GABBR1: variants seen among roughly 807,000 people sequenced by gnomAD.
GABBR1 encodes the protein GABA-B receptor, R1 subunit.
A neutral mutation model predicts 117.7 loss-of-function variants in GABBR1; 35 were observed. The ratio of observed to expected loss-of-function variants is 0.30; its 90% confidence interval spans 0.23 to 0.39. GABBR1 has a LOEUF of 0.39. GABBR1 is among the 10% of genes least tolerant of loss of function. GABBR1 has a pLI of 1.00. For missense variants in GABBR1, 709 were observed against 1,241.8 expected, an observed-to-expected ratio of 0.57 and a Z score of 6.45; for synonymous variants, 442 against 486.6, an observed-to-expected ratio of 0.91 and a Z score of 1.21.
Position 29,608,748 on chromosome 6 carries a change from G to C in GABBR1, c.1860-15C>G, listed in dbSNP as rs781520426. On this transcript the variant is annotated splice_polypyrimidine_tract_variant and intron_variant, in intron 15 of 22. Transcript: ENST00000377034. The stretch of plus-strand genomic sequence containing the variant: ...TCTGGATATAACTAGGGCAGAGGTG[G>C]AGAGGGTGAGAGGGAGAGAGAATTA... 6.2e-7 allele frequency: 1 copy of C among 1,610,240 alleles called. No homozygotes were observed. The highest frequency in any genetic ancestry group is 8.5e-7 in the Non-Finnish European group (1 of 1,178,590).
rs1444124276 is a variant in GABBR1 at position 29,621,372 on chromosome 6, C to G, written c.1132-80G>C. The G allele has an allele frequency of 8.7e-7, 1 of 1,152,312 alleles. No individual in the cohort carries two copies. Among genetic ancestry groups the G allele is most frequent in the Non-Finnish European group, 1.3e-6 (1 of 798,346 alleles). The allele number at this position is 1,152,312 out of a possible 1,614,324, so 71.4% of individuals were successfully genotyped here. A position where few individuals can be genotyped will look rare whatever the true frequency, so the allele number is the denominator to read the frequency against. ...CTTATCTCACTTGATACTATTTAGC[C>G]TCTTGGGAATCAGGGAAGAGCAGTA... On this transcript the variant is annotated intron_variant, in intron 10 of 22. Coordinates refer to ENST00000377034, the MANE Select transcript of GABBR1 (RefSeq NM_001470.4). This position sits in a 1 kb window ranked among gnomAD's most constrained non-coding sequence, Gnocchi z 5.0.
At position 29,607,003 on chromosome 6, in the gene GABBR1, G is replaced by A; in HGVS notation, c.2111C>T (p.Thr704Ile). 1.2e-6 allele frequency: 2 copies of A among 1,613,816 alleles called. No homozygotes were observed. Among genetic ancestry groups the A allele is most frequent in the South Asian group, 2.2e-5 (2 of 91,078 alleles). ...KKEEKKEWRK[T>I]LEPWKLYATV... is the part of the protein sequence containing the mutation. ...GGCATACAGCTTCCAGGGTTCCAGA[G>A]TCTGGATAAATATGTGGGGAGAACA... The change falls in exon 18 of 23, where the codon ACT (threonine) becomes ATT (isoleucine). Residue 704 changes from threonine (T) to isoleucine (I), a missense_variant and splice_region_variant. Physicochemically the swap from Thr to Ile is moderately conservative, Grantham distance 89 (BLOSUM62 -1). Transcript: ENST00000377034. The surrounding 1 kb of genome is among the most constrained non-coding windows in gnomAD (Gnocchi z 5.0).
At position 29,605,112 on chromosome 6, in the gene GABBR1, T is replaced by C; in HGVS notation, c.2440-124A>G. 1 of 1,038,600 alleles carries C rather than the reference T, an allele frequency of 9.6e-7. No individual in the cohort carries two copies. The highest frequency in any genetic ancestry group is 2.6e-5 in the East Asian group (1 of 38,580). 64.3% of individuals were successfully genotyped at this position (1,038,600 alleles called of 1,614,324 possible). On this transcript the variant is annotated intron_variant, in intron 20 of 22. Transcript: ENST00000377034. This position sits in a 1 kb window ranked among gnomAD's most constrained non-coding sequence, Gnocchi z 4.2. Reference sequence around the variant, plus strand: ...TGGTGAACTTTCCCTTTGAAAAGGATCCAAATTCAGGATCATCCTCAAATA... The same window carrying C: ...TGGTGAACTTTCCCTTTGAAAAGGACCCAAATTCAGGATCATCCTCAAATA...
rs1002615256 is a variant in GABBR1, at chr6:29,622,328, C to T, written c.964-123G>A. ...AGAGCAAAGAAGCAGCCATTCTGAA[C>T]CTTCCTTCAACAGCTTCTGTCCCTG... On this transcript the variant is annotated intron_variant, in intron 8 of 22. Transcript: ENST00000377034. The surrounding 1 kb of genome is among the most constrained non-coding windows in gnomAD (Gnocchi z 4.6). The T allele has an allele frequency of 1.5e-6, 1 of 688,340 alleles. No individual in the cohort carries two copies. The highest frequency in any genetic ancestry group is 2.6e-6 in the Non-Finnish European group (1 of 387,770). 42.6% of individuals were successfully genotyped at this position (688,340 alleles called of 1,614,324 possible).
At chr6:29,629,065 C>T (rs1562125155) in intron 5 of GABBR1, 22 bp downstream of exon 5, 1 of 1,612,552 alleles carries the variant, frequency 6.2e-7, no homozygotes. Context: ...GCAGTGCGCG[C>T]GGTAAGGGTT....
chr6:29,629,934 ATCT>A (rs1203807605), intron 4 of GABBR1: 10 of 153,150 alleles, frequency 6.5e-5, no homozygotes, highest in Admixed American at 6.5e-4. Flanking sequence ...GTTGTTCTTC[ATCT>A]TCTGATAATG....
chr6:29,627,814 G>A lies in GABBR1; in HGVS notation c.497-168C>T. 19 of 1,428,342 alleles carry A rather than the reference G, an allele frequency of 1.3e-5. No individual in the cohort carries two copies. Among genetic ancestry groups the A allele is most frequent in the Non-Finnish European group, 1.7e-5 (19 of 1,094,218 alleles). 88.5% of individuals were successfully genotyped at this position (1,428,342 alleles called of 1,614,324 possible). On this transcript the variant is annotated intron_variant, in intron 5 of 22. Coordinates refer to ENST00000377034, the MANE Select transcript of GABBR1 (RefSeq NM_001470.4). This position sits in a 1 kb window ranked among gnomAD's most constrained non-coding sequence, Gnocchi z 4.4. ...CATGGCGTGGGGGGCAGGGGTAGCTGTTGGGGAGCGTTAGGAGCTCAGGGG... is the reference window on the plus strand; with the variant it reads ...CATGGCGTGGGGGGCAGGGGTAGCTATTGGGGAGCGTTAGGAGCTCAGGGG...
At chr6:29,626,672 A>C (rs28359987) in intron 6 of GABBR1, among the ~76,000 whole-genome samples, 14,860 of 152,010 alleles carry the variant, frequency 0.098, 855 homozygotes, top group Middle Eastern at 0.21. Flanking sequence ...CCCAAGTTCC[A>C]TAAGGTGCCC....
At chr6:29,603,770 TG>T in intron 22 of GABBR1, 54 bp from the exon 23 acceptor site, 2 of 1,314,172 alleles carry the variant, frequency 1.5e-6, no homozygotes, top group Non-Finnish European at 2.0e-6. Flanking sequence ...GATGAAGGAG[TG>T]GGGAGGAGGG....
At position 29,622,405 on chromosome 6, in the gene GABBR1, G is replaced by A; in HGVS notation, c.964-200C>T. 1.7e-6 allele frequency: 1 copy of A among 588,134 alleles called. No individual in the cohort carries two copies. The highest frequency in any genetic ancestry group is 3.0e-6 in the Non-Finnish European group (1 of 329,566). The allele number at this position is 588,134 out of a possible 1,614,324, so 36.4% of individuals were successfully genotyped here. On this transcript the variant is annotated intron_variant, in intron 8 of 22. Coordinates refer to ENST00000377034, the MANE Select transcript of GABBR1 (RefSeq NM_001470.4). This position sits in a 1 kb window ranked among gnomAD's most constrained non-coding sequence, Gnocchi z 4.6. ...GTCTTAGGATGTGGATTCCAAGTGGGAAGGTGAATGGTGAGCCCCTGCTGA... is the reference window on the plus strand; with the variant it reads ...GTCTTAGGATGTGGATTCCAAGTGGAAAGGTGAATGGTGAGCCCCTGCTGA...
chr6:29,603,181 G>A lies in GABBR1; in HGVS notation c.*362C>T. 6.1e-6 allele frequency: 3 copies of A among 492,320 alleles called. No individual in the cohort carries two copies. Among genetic ancestry groups the A allele is most frequent in the South Asian group, 4.6e-5 (3 of 64,892 alleles). The allele number at this position is 492,320 out of a possible 1,614,324, so 30.5% of individuals were successfully genotyped here. On this transcript the variant is annotated 3_prime_UTR_variant, in exon 23 of 23. Transcript: ENST00000377034. ...TGGACAGGAACAGAGCACAAAGGCA[G>A]AGGAGCTGCAGGGGTTGCCGTGGTA...
Position 29,620,892 on chromosome 6 carries a change from T to G in GABBR1, c.1323+209A>C, listed in dbSNP as rs1008173624. 4.3e-5 allele frequency among the ~76,000 whole-genome samples: 6 copies of G among 138,960 alleles called. No individual in the cohort carries two copies. Among genetic ancestry groups the G allele is most frequent in the Admixed American group, 7.2e-5 (1 of 13,824 alleles). The allele number at this position is 138,960 out of a possible 152,430, so 91.2% of individuals were successfully genotyped here. Reference sequence around the variant, plus strand: ...CTACTGAACATACAACTCCATCGTTTTTTTTTTTTTCTCTCTCTACCCAAG... The same window carrying G: ...CTACTGAACATACAACTCCATCGTTGTTTTTTTTTTCTCTCTCTACCCAAG... On this transcript the variant is annotated intron_variant, in intron 11 of 22. Transcript: ENST00000377034. This position sits in a 1 kb window ranked among gnomAD's most constrained non-coding sequence, Gnocchi z 4.5.
intron 11 of GABBR1, among the ~76,000 whole-genome samples, chr6:29,619,272 C>T (rs1419020127): frequency 6.6e-6 from 1 of 152,242 alleles, no homozygotes; most frequent in Non-Finnish European, 1.5e-5. Context: ...CTTTGATCCA[C>T]TTCTATTTGT....
intron 14 of GABBR1, 40 bp downstream of exon 14, chr6:29,610,884 C>A: frequency 6.5e-7 from 1 of 1,546,994 alleles, no homozygotes; most frequent in Non-Finnish European, 8.9e-7. Flanking sequence ...CCTTGACTGT[C>A]GAGAGGGGCT....
rs1370429967 is a variant in GABBR1, at chr6:29,611,344, T to G, written c.1631-343A>C. ...ATTTTGGCTTCTAAAGCTTTACACATATTTCTGCTTATTCTTCCTCTCATG... is the reference window on the plus strand; with the variant it reads ...ATTTTGGCTTCTAAAGCTTTACACAGATTTCTGCTTATTCTTCCTCTCATG... On this transcript the variant is annotated intron_variant, in intron 13 of 22. Coordinates refer to ENST00000377034, the MANE Select transcript of GABBR1 (RefSeq NM_001470.4). The surrounding 1 kb of genome is among the most constrained non-coding windows in gnomAD (Gnocchi z 4.6). 6.6e-6 allele frequency among the ~76,000 whole-genome samples: 1 copy of G among 152,238 alleles called. No homozygotes were observed. The highest frequency in any genetic ancestry group is 2.4e-5 in the African/African-American group (1 of 41,458).
rs777053589 is a variant in GABBR1, at chr6:29,631,416, A to G, written c.269T>C (p.Met90Thr). The change falls in exon 3 of 23, where the codon ATG (methionine) becomes ACG (threonine). Residue 90 changes from methionine (M) to threonine (T), a missense_variant. Met to Thr is a moderately conservative substitution (Grantham distance 81, BLOSUM62 -1). Coordinates refer to ENST00000377034, the MANE Select transcript of GABBR1 (RefSeq NM_001470.4). This position sits in a 1 kb window ranked among gnomAD's most constrained non-coding sequence, Gnocchi z 5.9. ...CTCACCACAGCGGCTGGGTGTGTCC[A>G]TATCTGTCCAGGAGCCGTTGGCCAG... Reference protein sequence around the residue: ...KCLANGSWTDMDTPSRCVRIC... With the variant: ...KCLANGSWTDTDTPSRCVRIC... The G allele has an allele frequency of 2.5e-6, 4 of 1,614,084 alleles. No homozygotes were observed. The highest frequency in any genetic ancestry group is 1.1e-5 in the South Asian group (1 of 91,088).
At chr6:29,629,058 G>C in intron 5 of GABBR1, 29 bp downstream of exon 5, 1 of 1,612,528 alleles carries the variant, frequency 6.2e-7, no homozygotes, top group Non-Finnish European at 8.5e-7. Context: ...GGGCATTGCA[G>C]TGCGCGCGGT....
At position 29,632,428 on chromosome 6, in the gene GABBR1, G is replaced by A; in HGVS notation, c.1-43C>T. 1 of 1,311,346 alleles carries A rather than the reference G, an allele frequency of 7.6e-7. No individual in the cohort carries two copies. The highest frequency in any genetic ancestry group is 9.9e-7 in the Non-Finnish European group (1 of 1,014,212). The allele number at this position is 1,311,346 out of a possible 1,614,324, so 81.2% of individuals were successfully genotyped here. ...ATGAGGACTGGACCGAGCCCCGCCGGCGCGGCCCGCACCCGGAGACTACTC... is the reference window on the plus strand; with the variant it reads ...ATGAGGACTGGACCGAGCCCCGCCGACGCGGCCCGCACCCGGAGACTACTC... On this transcript the variant is annotated intron_variant, in intron 1 of 22. Transcript: ENST00000377034. The surrounding 1 kb of genome is among the most constrained non-coding windows in gnomAD (Gnocchi z 5.8).
At position 29,604,519 on chromosome 6, in the gene GABBR1, C is replaced by T. The variant is rs1243700899; in HGVS notation, c.2687G>A (p.Arg896His). Reference protein sequence around the residue: ...EKSRLLEKENRELEKIIAEKE... With the variant: ...EKSRLLEKENHELEKIIAEKE... Reference sequence around the variant, plus strand: ...CTCAGCAATGATCTTTTCCAGTTCACGGTTCTCCTTCTCCAACAGCCGGGA... The same window carrying T: ...CTCAGCAATGATCTTTTCCAGTTCATGGTTCTCCTTCTCCAACAGCCGGGA... The change falls in exon 22 of 23, where the codon CGT becomes CAT. Residue 896 changes from arginine to histidine, a missense_variant. By Grantham distance (29) the Arg-to-His change is conservative. This residue lies in a region of GABBR1 where 251 missense variants were observed against 445.3 expected (regional missense o/e 0.56). Transcript: ENST00000377034. This position sits in a 1 kb window ranked among gnomAD's most constrained non-coding sequence, Gnocchi z 5.3. 9.3e-6 allele frequency: 15 copies of T among 1,613,310 alleles called. No homozygotes were observed. Among genetic ancestry groups the T allele is most frequent in the Non-Finnish European group, 1.0e-5 (12 of 1,180,028 alleles).
Sources: gnomAD v4.1 joint callset for allele counts (sites outside exome capture counted in the v4.1 genomes callset) on GRCh38, gnomAD v4.1.1 for gene constraint, gnomAD v4.1.1 regional missense constraint, Gnocchi (gnomAD v3.1) non-coding constraint, MANE v1.5 for transcripts, NCBI Gene and HGNC (gene_info 2026-07-23, HGNC 2026-07-21) for gene names.